MIPEP: variants seen among roughly 807,000 people sequenced by gnomAD.
The protein encoded by MIPEP is mitochondrial intermediate peptidase.
A neutral mutation model predicts 90.3 loss-of-function variants in MIPEP; 79 were observed. The observed-to-expected ratio is 0.87, with a 90% CI of 0.73 to 1.05. The LOEUF (loss-of-function observed/expected upper bound fraction) is 1.05, where lower values mean the gene tolerates loss of function less well. Among genes scored for constraint, MIPEP ranks in the 50% least tolerant of loss-of-function variants. The probability of loss-of-function intolerance (pLI) is 0.00; values close to 1 mark genes in which losing one functional copy is unlikely to be tolerated. For missense variants in MIPEP, 940 were observed against 905.6 expected, an observed-to-expected ratio of 1.04 and a Z score of -0.49; for synonymous variants, 334 against 315.8, an observed-to-expected ratio of 1.06 and a Z score of -0.61.
At chr13:23,871,362 G>A (rs6490838) in intron 5 of MIPEP, among the ~76,000 whole-genome samples, 37,718 of 152,090 alleles carry the variant, frequency 0.25, 4,863 homozygotes, top group East Asian at 0.45. Flanking sequence ...GACTGGAGGA[G>A]AAGGGCTGAA....
chr13:23,819,630 TTAGA>T (rs1283932661), intron 14 of MIPEP, among the ~76,000 whole-genome samples: 2 of 152,132 alleles, frequency 1.3e-5, no homozygotes, highest in Admixed American at 6.5e-5. Context: ...TCCCGAAGTT[TTAGA>T]TAGAGAACTA....
intron 18 of MIPEP, among the ~76,000 whole-genome samples, chr13:23,743,399 G>A (rs959798601): frequency 6.6e-6 from 1 of 152,210 alleles, no homozygotes; most frequent in South Asian, 2.1e-4. Context: ...ACAAGACTGT[G>A]GTTACCCACA....
At chr13:23,844,899 T>C (rs1379063491) in intron 10 of MIPEP, among the ~76,000 whole-genome samples, 1 of 152,148 alleles carries the variant, frequency 6.6e-6, no homozygotes, top group Non-Finnish European at 1.5e-5. Context: ...TGGGAACAAA[T>C]GAATTTCTAA....
intron 14 of MIPEP, among the ~76,000 whole-genome samples, chr13:23,831,650 C>T (rs543008038): frequency 6.6e-5 from 10 of 152,216 alleles, no homozygotes; most frequent in African/African-American, 2.4e-4. Context: ...AACCTGCTCT[C>T]GTGGGAACTG....
At chr13:23,846,482 T>C (rs1869546516) in intron 10 of MIPEP, among the ~76,000 whole-genome samples, 1 of 152,192 alleles carries the variant, frequency 6.6e-6, no homozygotes, top group African/African-American at 2.4e-5. Context: ...TGTTTTGGAT[T>C]TTGGATTTTT....
intron 10 of MIPEP, among the ~76,000 whole-genome samples, chr13:23,852,222 GA>G (rs1182877635): frequency 1.3e-5 from 2 of 152,066 alleles, no homozygotes; most frequent in African/African-American, 4.8e-5. Context: ...AGCTAACGGG[GA>G]AAAAAGCTGA....
At chr13:23,840,018 G>A (rs1869226500) in intron 11 of MIPEP, among the ~76,000 whole-genome samples, 1 of 152,168 alleles carries the variant, frequency 6.6e-6, no homozygotes, top group Non-Finnish European at 1.5e-5. Flanking sequence ...CCACCCACAA[G>A]AGCTGGGAAG....
intron 16 of MIPEP, among the ~76,000 whole-genome samples, chr13:23,795,572 T>A (rs924417052): frequency 2.6e-5 from 4 of 152,234 alleles, no homozygotes; most frequent in Non-Finnish European, 4.4e-5. Flanking sequence ...CTTATCTTCA[T>A]GTCTTATCAA....
intron 14 of MIPEP, among the ~76,000 whole-genome samples, chr13:23,831,383 C>CCGGG (rs58008469): frequency 2.0e-4 from 8 of 40,914 alleles, no homozygotes; most frequent in Admixed American, 1.4e-3. Context: ...TTCCCCATGG[C>CCGGG]GGGGGGGGGA....
At chr13:23,765,843 G>A (rs1372300249) in intron 16 of MIPEP, 2 of 152,196 alleles carry the variant, frequency 1.3e-5, no homozygotes, top group African/African-American at 2.4e-5. Context: ...GGTGTATTGG[G>A]TTGTACTACA....
intron 18 of MIPEP, among the ~76,000 whole-genome samples, chr13:23,733,614 C>T (rs1952228683): frequency 6.6e-6 from 1 of 152,146 alleles, no homozygotes; most frequent in South Asian, 2.1e-4. Context: ...CACCAGAAAG[C>T]ACATGGGGTG....
chr13:23,866,227 C>T (rs1441540343), intron 7 of MIPEP, among the ~76,000 whole-genome samples: 6 of 152,148 alleles, frequency 3.9e-5, no homozygotes, highest in African/African-American at 9.7e-5. Context: ...AATCCCATGG[C>T]ATTGTTTTGT....
chr13:23,798,544 AT>A (rs1157582037), intron 16 of MIPEP, among the ~76,000 whole-genome samples: 2 of 152,192 alleles, frequency 1.3e-5, no homozygotes, highest in East Asian at 3.8e-4. Flanking sequence ...TAGTCTAGAT[AT>A]GTGTCTTGGC....
At chr13:23,888,778 G>A in intron 1 of MIPEP, 1 of 1,056,870 alleles carries the variant, frequency 9.5e-7, no homozygotes, top group Non-Finnish European at 1.1e-6. Flanking sequence ...TGTAGCGCTG[G>A]AGCTAAAGGG....
chr13:23,885,417 T>C (rs1407865164), intron 2 of MIPEP, among the ~76,000 whole-genome samples: 3 of 152,114 alleles, frequency 2.0e-5, no homozygotes, highest in Non-Finnish European at 2.9e-5. Context: ...AATAATTTAA[T>C]TGTAGATTTT....
intron 16 of MIPEP, among the ~76,000 whole-genome samples, chr13:23,777,510 C>T (rs981069821): frequency 1.3e-5 from 2 of 152,108 alleles, no homozygotes; most frequent in South Asian, 4.2e-4. Context: ...CAGTATTGTA[C>T]CACAGTTAAT....
intron 10 of MIPEP, among the ~76,000 whole-genome samples, chr13:23,857,516 G>T (rs571610977): frequency 6.6e-6 from 1 of 152,304 alleles, no homozygotes; most frequent in South Asian, 2.1e-4. Flanking sequence ...GCTACAGTGA[G>T]ACATGATTAC....
chr13:23,796,787 G>C (rs540305094), intron 16 of MIPEP, among the ~76,000 whole-genome samples: 24 of 152,320 alleles, frequency 1.6e-4, no homozygotes, highest in Admixed American at 5.2e-4. Context: ...AGCTGGTACA[G>C]TGGTTACTTT....
chr13:23,855,281 A>T (rs1271219319), intron 10 of MIPEP, among the ~76,000 whole-genome samples: 2 of 152,228 alleles, frequency 1.3e-5, no homozygotes, highest in Non-Finnish European at 2.9e-5. Flanking sequence ...GCTGACAGTC[A>T]CTTATACTAC....
Sources: gnomAD v4.1 joint callset for allele counts (sites outside exome capture counted in the v4.1 genomes callset) on GRCh38, gnomAD v4.1.1 for gene constraint, MANE v1.5 for transcripts, NCBI Gene and HGNC (gene_info 2026-07-23, HGNC 2026-07-21) for gene names.